The following OVCH1 variants were observed in gnomAD, a reference collection of about 807,000 sequenced individuals.
OVCH1 encodes the protein ovochymase 1.
Under a neutral mutation model 138.4 loss-of-function variants are expected in OVCH1, and 139 were observed. The ratio of observed to expected loss-of-function variants is 1.00; its 90% CI spans 0.87 to 1.16. The LOEUF (loss-of-function observed/expected upper bound fraction) is 1.16, where lower values mean the gene tolerates loss of function less well. Ranked by LOEUF, OVCH1 falls within the 50% of genes most tolerant of loss-of-function variation. The pLI is 0.00. For synonymous variants in OVCH1, 453 were observed against 467.8 expected, an observed-to-expected ratio of 0.97 and a Z score of 0.41; for missense variants, 1,367 against 1,357.9, an observed-to-expected ratio of 1.01 and a Z score of -0.11.
At chr12:29,411,571 C>T (rs1427544446), downstream of OVCH1, among the ~76,000 whole-genome samples, 5 of 152,102 alleles carry the variant, frequency 3.3e-5, no homozygotes, top group Non-Finnish European at 7.4e-5. Context: ...AGGTCCACTC[C>T]AGACCCTGTT....
At chr12:29,443,627 C>T in intron 24 of OVCH1, 127 bp from the exon 25 acceptor site, 1 of 962,724 alleles carries the variant, frequency 1.0e-6, no homozygotes, top group Non-Finnish European at 1.4e-6. Flanking sequence ...TGTCTGTTTC[C>T]TTATGGTTGT....
intron 8 of OVCH1, among the ~76,000 whole-genome samples, chr12:29,482,625 G>A (rs553768056): frequency 7.2e-4 from 110 of 152,226 alleles, no homozygotes; most frequent in Non-Finnish European, 1.4e-3. Context: ...TGATTATTTG[G>A]GATACTAAAT....
At chr12:29,451,690 C>G in intron 21 of OVCH1, 121 bp from the exon 22 acceptor site, 1 of 696,914 alleles carries the variant, frequency 1.4e-6, no homozygotes, top group South Asian at 2.0e-5. Context: ...TTGTTACTGT[C>G]AGTTACAAAT....
chr12:29,491,417 G>A (rs576111174), intron 4 of OVCH1, among the ~76,000 whole-genome samples: 17 of 152,238 alleles, frequency 1.1e-4, no homozygotes, highest in African/African-American at 3.1e-4. Flanking sequence ...CAATTGTTCC[G>A]CACACCACGA....
chr12:29,477,666 C>G, intron 9 of OVCH1, 188 bp from the exon 11 acceptor site: 1 of 1,474,652 alleles, frequency 6.8e-7, no homozygotes, highest in East Asian at 2.3e-5. Flanking sequence ...CTTCTCAACC[C>G]CCCAGTCTCA....
At chr12:29,453,995 G>T (rs998765444) in intron 21 of OVCH1, among the ~76,000 whole-genome samples, 13 of 152,072 alleles carry the variant, frequency 8.5e-5, no homozygotes, top group Admixed American at 5.2e-4. Context: ...TTGAACAACC[G>T]CTTCTTTTTG....
At chr12:29,451,435 T>C (rs1192560794) in exon 22 of OVCH1, 4 of 1,613,132 alleles carry the variant, frequency 2.5e-6, no homozygotes, top group East Asian at 4.5e-5. Flanking sequence ...AGATACTCAA[T>C]GGTAAATTTT....
chr12:29,409,228 A>G (rs1472678958), downstream of OVCH1, among the ~76,000 whole-genome samples: 2 of 152,028 alleles, frequency 1.3e-5, no homozygotes, highest in Non-Finnish European at 2.9e-5. Context: ...CTAGCGGTCT[A>G]TCAAATTTGT....
downstream of OVCH1, chr12:29,423,196 G>A (rs139701831): frequency 8.8e-6 from 4 of 454,986 alleles, no homozygotes; most frequent in East Asian, 7.0e-5. Flanking sequence ...TCTAAAATAA[G>A]CTTAAAACCT....
intron 25 of OVCH1, 121 bp from the exon 26 acceptor site, chr12:29,440,865 C>G: frequency 2.4e-6 from 1 of 419,586 alleles, no homozygotes; most frequent in Non-Finnish European, 4.8e-6. Context: ...AGGACCCTAC[C>G]TGCATGGAGA....
intron 3 of OVCH1, among the ~76,000 whole-genome samples, chr12:29,421,656 C>CAT (rs1941106550): frequency 6.6e-6 from 1 of 151,988 alleles, no homozygotes; most frequent in Non-Finnish European, 1.5e-5. Context: ...CAAAATACAA[C>CAT]ATATATATAA....
chr12:29,477,700 T>A, intron 9 of OVCH1: 1 of 1,149,344 alleles, frequency 8.7e-7, no homozygotes, highest in Non-Finnish European at 1.2e-6. Context: ...TACTTATTCT[T>A]CAGGGCCTAA....
At chr12:29,451,309 C>T (rs1592055061) in intron 22 of OVCH1, 36 bp downstream of exon 22, 1 of 1,546,114 alleles carries the variant, frequency 6.5e-7, no homozygotes, top group Non-Finnish European at 8.9e-7. Context: ...TGGACCAAGA[C>T]TCCTAGCACG....
chr12:29,434,585 G>A (rs1307747107), intron 26 of OVCH1, among the ~76,000 whole-genome samples: 2 of 151,814 alleles, frequency 1.3e-5, no homozygotes, highest in African/African-American at 4.8e-5. Flanking sequence ...GGAAAAAATG[G>A]ACTTACCAGA....
chr12:29,433,320 G>A (rs945978056), intron 27 of OVCH1, among the ~76,000 whole-genome samples: 1 of 152,088 alleles, frequency 6.6e-6, no homozygotes, highest in African/African-American at 2.4e-5. Flanking sequence ...AGTCTCACAA[G>A]ATCTGATGGT....
At chr12:29,486,484 G>C (rs181375289) in intron 7 of OVCH1, 136 bp from the exon 8 acceptor site, 5 of 687,020 alleles carry the variant, frequency 7.3e-6, no homozygotes, top group African/African-American at 7.3e-5. Context: ...TCTTTTCTCA[G>C]AGTCAGTAAC....
intron 19 of OVCH1, among the ~76,000 whole-genome samples, chr12:29,460,741 T>G (rs1942104109): frequency 6.6e-6 from 1 of 152,014 alleles, no homozygotes; most frequent in African/African-American, 2.4e-5. Flanking sequence ...TAATGCATCC[T>G]AGATTGGCTG....
In OVCH1 at chr12:29,497,573, AG is replaced by A. The variant is rs1943453350; in HGVS notation, c.64+49del. Reference sequence around the variant, plus strand: ...AGGAGTAATGAAGTCTTCCCTCTCCAGCACGCTCAGCCTCCTCCGCAGTCCT... The same window carrying A: ...AGGAGTAATGAAGTCTTCCCTCTCCACACGCTCAGCCTCCTCCGCAGTCCT... On this transcript the variant is annotated intron_variant, in intron 1 of 27. Transcript: ENST00000318184. 2.5e-6 allele frequency: 4 copies of A among 1,605,222 alleles called. No individual in the cohort carries two copies. In the East Asian group the frequency reaches 8.9e-5, roughly 36 times the overall value.
the OVCH1 span, among the ~76,000 whole-genome samples, chr12:29,404,276 A>G: frequency 0.029 from 4,401 of 152,272 alleles, 200 homozygotes; most frequent in African/African-American, 0.096. Context: ...TCAGCTCACA[A>G]TGTCAACAAG....
Sources: gnomAD v4.1 joint callset for allele counts (sites outside exome capture counted in the v4.1 genomes callset) on GRCh38, gnomAD v4.1.1 for gene constraint, MANE v1.5 for transcripts, NCBI Gene and HGNC (gene_info 2026-07-23, HGNC 2026-07-21) for gene names.